CACNG3: variants seen among roughly 807,000 people sequenced by gnomAD.
CACNG3 encodes calcium voltage-gated channel auxiliary subunit gamma 3.
Under a neutral mutation model 28.5 loss-of-function variants are expected in CACNG3, and 3 were observed. The ratio of observed to expected loss-of-function variants is 0.11; its 90% confidence interval spans 0.05 to 0.27. The LOEUF is 0.27. Ranked by LOEUF, CACNG3 falls within the 10% of genes least tolerant of loss-of-function variation. The pLI is 1.00. For missense variants in CACNG3, 236 were observed against 414.4 expected, an observed-to-expected ratio of 0.57 and a Z score of 3.74; for synonymous variants, 174 against 162.2, an observed-to-expected ratio of 1.07 and a Z score of -0.55.
intron 3 of CACNG3, among the ~76,000 whole-genome samples, chr16:24,360,366 G>A (rs1483129552): frequency 6.6e-6 from 1 of 152,210 alleles, no homozygotes; most frequent in African/African-American, 2.4e-5. Context: ...TTCCTCTCCA[G>A]TGGGCTAAGC....
chr16:24,340,939 CT>C (rs1259090087), intron 1 of CACNG3, among the ~76,000 whole-genome samples: 1 of 152,244 alleles, frequency 6.6e-6, no homozygotes, highest in Non-Finnish European at 1.5e-5. Context: ...TTCTACCTCT[CT>C]CTGCTCCAAT....
chr16:24,314,389 C>T (rs897012523), intron 1 of CACNG3, among the ~76,000 whole-genome samples: 8 of 152,178 alleles, frequency 5.3e-5, no homozygotes, highest in African/African-American at 4.8e-5. Flanking sequence ...ATCCCCTTGG[C>T]CCTCAGGTCA....
chr16:24,344,907 C>T (rs1207338451), intron 1 of CACNG3, among the ~76,000 whole-genome samples: 1 of 152,122 alleles, frequency 6.6e-6, no homozygotes, highest in Admixed American at 6.6e-5. Flanking sequence ...GCCTTTGAAA[C>T]CTGGATCCAA....
chr16:24,301,643 G>A (rs1596634048), intron 1 of CACNG3, among the ~76,000 whole-genome samples: 1 of 152,294 alleles, frequency 6.6e-6, no homozygotes, highest in East Asian at 1.9e-4. Flanking sequence ...CTGGGGCTAT[G>A]GGGATTGGTT....
At chr16:24,324,302 A>G (rs1899506496) in intron 1 of CACNG3, among the ~76,000 whole-genome samples, 1 of 152,192 alleles carries the variant, frequency 6.6e-6, no homozygotes, top group Non-Finnish European at 1.5e-5. Context: ...GTGTGTGAAT[A>G]TAACTATTTT....
intron 2 of CACNG3, among the ~76,000 whole-genome samples, chr16:24,351,035 G>C (rs567058274): frequency 6.6e-6 from 1 of 152,242 alleles, no homozygotes; most frequent in African/African-American, 2.4e-5. Flanking sequence ...AGGAACCAGG[G>C]GCCAGCTCTG....
intron 1 of CACNG3, among the ~76,000 whole-genome samples, chr16:24,312,955 G>GAAAGAAAGAAAGAAAGAAAGAGAAAGAA (rs376780380): frequency 9.0e-6 from 1 of 110,806 alleles, no homozygotes; most frequent in South Asian, 3.1e-4. Flanking sequence ...AAGAAAGAAA[G>GAAAGAAAGAAAGAAAGAAAGAGAAAGAA]AGAAAGAAAG....
intron 1 of CACNG3, among the ~76,000 whole-genome samples, chr16:24,297,984 G>T (rs946560275): frequency 9.6e-6 from 1 of 103,628 alleles, no homozygotes; most frequent in African/African-American, 4.2e-5. Flanking sequence ...TTTTTCAAAA[G>T]ATCTGTGTGT....
intron 1 of CACNG3, among the ~76,000 whole-genome samples, chr16:24,304,627 G>A (rs971949077): frequency 2.0e-5 from 3 of 152,164 alleles, no homozygotes; most frequent in African/African-American, 7.2e-5. Context: ...AAGCTGGAGT[G>A]CAGTAGCGCA....
rs1482760510 is a variant in CACNG3 at position 24,257,386 on chromosome 16, A to G, written c.211+421A>G. On this transcript the variant is annotated intron_variant, in intron 1 of 3. Transcript: ENST00000005284. ...TGAGGGGGGAGAGAGAGAGAGAGAG[A>G]GAGAGAGAGAGAGAGAGAGAGAGAG... is the stretch of plus-strand genomic sequence containing the variant. Among the ~76,000 whole-genome samples, 48 of 103,706 alleles carry G rather than the reference A, an allele frequency of 4.6e-4. 1 individual carries two copies. Among genetic ancestry groups the G allele is most frequent in the South Asian group, 1.4e-3 (4 of 2,920 alleles). The allele number at this position is 103,706 out of a possible 152,430, so 68.0% of individuals were successfully genotyped here. A position where few individuals can be genotyped will look rare whatever the true frequency, so the allele number is the denominator to read the frequency against.
intron 1 of CACNG3, among the ~76,000 whole-genome samples, chr16:24,330,508 G>A (rs114019005): frequency 0.011 from 1,606 of 152,302 alleles, 30 homozygotes; most frequent in African/African-American, 0.035. Context: ...TCACAGCACT[G>A]CTCTCAGCCT....
chr16:24,276,144 T>C (rs545510335), intron 1 of CACNG3, among the ~76,000 whole-genome samples: 1 of 152,224 alleles, frequency 6.6e-6, no homozygotes, highest in Admixed American at 6.5e-5. Context: ...CAAAAGCAGA[T>C]ATAAGAATCT....
chr16:24,325,228 G>T (rs541392377), intron 1 of CACNG3, among the ~76,000 whole-genome samples: 3 of 152,294 alleles, frequency 2.0e-5, no homozygotes, highest in South Asian at 4.1e-4. Flanking sequence ...CCCTTGAGGG[G>T]TGTCTAAATT....
In CACNG3 at chr16:24,256,504, A is replaced by G; in HGVS notation, c.-251A>G. The G allele has an allele frequency of 2.0e-6, 1 of 494,690 alleles. No individual in the cohort carries two copies. The highest frequency in any genetic ancestry group is 3.6e-6 in the Non-Finnish European group (1 of 274,548). 30.6% of individuals were successfully genotyped at this position (494,690 alleles called of 1,614,324 possible). On this transcript the variant is annotated 5_prime_UTR_variant, in exon 1 of 4. Transcript: ENST00000005284. This position sits in a 1 kb window ranked among gnomAD's most constrained non-coding sequence, Gnocchi z 4.6. ...GAATGAAAGGAACCCAGGGACCCTCAGAAGGCAGCAGTGATGCGGACCAAC... is the reference window on the plus strand; with the variant it reads ...GAATGAAAGGAACCCAGGGACCCTCGGAAGGCAGCAGTGATGCGGACCAAC...
intron 1 of CACNG3, among the ~76,000 whole-genome samples, chr16:24,262,549 T>C (rs553716434): frequency 6.6e-6 from 1 of 152,364 alleles, no homozygotes; most frequent in South Asian, 2.1e-4. Flanking sequence ...TAGCCCTTAC[T>C]GGGGCTGCTC....
At chr16:24,351,431 G>T (rs553937550) in intron 2 of CACNG3, among the ~76,000 whole-genome samples, 1 of 151,914 alleles carries the variant, frequency 6.6e-6, no homozygotes, top group African/African-American at 2.4e-5. Context: ...AATTAGGGTG[G>T]TATGGTGGCA....
intron 1 of CACNG3, among the ~76,000 whole-genome samples, chr16:24,294,486 G>T (rs1899004239): frequency 6.6e-6 from 1 of 152,192 alleles, no homozygotes; most frequent in Non-Finnish European, 1.5e-5. Context: ...GGGATGCTTG[G>T]CAAGGAGGTC....
At chr16:24,325,624 G>A (rs1036987429) in intron 1 of CACNG3, among the ~76,000 whole-genome samples, 1 of 152,216 alleles carries the variant, frequency 6.6e-6, no homozygotes, top group Admixed American at 6.5e-5. Context: ...TTTATGAGCC[G>A]CCTCATACCC....
At chr16:24,334,941 A>G (rs1010734097) in intron 1 of CACNG3, among the ~76,000 whole-genome samples, 1 of 152,138 alleles carries the variant, frequency 6.6e-6, no homozygotes, top group African/African-American at 2.4e-5. Flanking sequence ...CATACCCTCC[A>G]ATTTCCCATT....
Sources: allele counts gnomAD v4.1 joint callset (sites outside exome capture counted in the v4.1 genomes callset), GRCh38; gene constraint gnomAD v4.1.1; non-coding constraint Gnocchi (gnomAD v3.1); transcripts MANE v1.5; gene names NCBI Gene and HGNC (gene_info 2026-07-23, HGNC 2026-07-21).